The following DHX57 variants were observed in gnomAD, a reference collection of about 807,000 sequenced individuals.
The protein encoded by DHX57 is DExH-box helicase 57, also known as putative ATP-dependent RNA helicase DHX57.
A neutral mutation model predicts 156.2 loss-of-function variants in DHX57; 105 were observed. The ratio of observed to expected loss-of-function variants is 0.67; its 90% CI spans 0.57 to 0.79. DHX57 has a LOEUF of 0.79. Ranked by LOEUF, DHX57 falls within the 30% of genes least tolerant of loss-of-function variation. The pLI is 0.00. For synonymous variants in DHX57, 704 were observed against 595.6 expected (o/e 1.18, Z -2.65); for missense variants, 1,847 against 1,661.9 (o/e 1.11, Z -1.94).
At chr2:38,841,856 A>C (rs1156973448) in intron 12 of DHX57, among the ~76,000 whole-genome samples, 2 of 152,216 alleles carry the variant, frequency 1.3e-5, no homozygotes, top group African/African-American at 4.8e-5. Flanking sequence ...GCATGGGAGG[A>C]GGAAGTACCT....
At chr2:38,803,318 A>C (rs562166575) in intron 22 of DHX57, among the ~76,000 whole-genome samples, 3 of 151,638 alleles carry the variant, frequency 2.0e-5, no homozygotes, top group Non-Finnish European at 4.4e-5. Flanking sequence ...AGTGTTCCCT[A>C]TCTCAGGAAA....
At chr2:38,850,344 G>A (rs6715564) in intron 9 of DHX57, among the ~76,000 whole-genome samples, 1 of 152,062 alleles carries the variant, frequency 6.6e-6, no homozygotes, top group East Asian at 1.9e-4. Context: ...GTGCAGTGGC[G>A]TTATCATGGC....
At chr2:38,808,264 T>A (rs972544519) in intron 21 of DHX57, among the ~76,000 whole-genome samples, 5 of 152,096 alleles carry the variant, frequency 3.3e-5, no homozygotes, top group African/African-American at 1.2e-4. Context: ...GTAAATATCA[T>A]TTTAATCTTC....
chr2:38,804,489 CAATA>C (rs1026299136), intron 22 of DHX57, among the ~76,000 whole-genome samples: 2 of 151,780 alleles, frequency 1.3e-5, no homozygotes, highest in Admixed American at 1.3e-4. Context: ...GACTCTGTCT[CAATA>C]AATAAATAAA....
chr2:38,805,891 G>A (rs1378914030), intron 22 of DHX57, among the ~76,000 whole-genome samples: 1 of 152,160 alleles, frequency 6.6e-6, no homozygotes. Context: ...AAGTGCTGTT[G>A]TGCCTTTGGT....
At chr2:38,865,302 T>C (rs1170012506) in intron 2 of DHX57, among the ~76,000 whole-genome samples, 1 of 152,204 alleles carries the variant, frequency 6.6e-6, no homozygotes, top group African/African-American at 2.4e-5. Context: ...TCCCCCATGC[T>C]ATTCTCGTGA....
At position 38,818,882 on chromosome 2, in the gene DHX57, G is replaced by A. The variant is rs539439452; in HGVS notation, c.3466C>T (p.Leu1156=). 6.2e-7 allele frequency: 1 copy of A among 1,614,176 alleles called. No individual in the cohort carries two copies. The highest frequency in any genetic ancestry group is 1.7e-5 in the Admixed American group (1 of 60,020). The change falls in exon 19 of 24, where the codon CTG becomes TTG. Residue 1156 remains leucine (L), a synonymous_variant. Coordinates refer to ENST00000457308, the MANE Select transcript of DHX57 (RefSeq NM_198963.3). ...AAGCCACAGACACAACTCACCTGCA[G>A]AACTCTTCCAGACAAGAAGTTTTGT... ...CRQNFLSGRV[L]QEMASLKRQF...
intron 1 of DHX57, among the ~76,000 whole-genome samples, chr2:38,875,057 A>T (rs921105468): frequency 2.6e-5 from 4 of 152,236 alleles, no homozygotes; most frequent in Admixed American, 6.5e-5. Context: ...ACACCAACCC[A>T]GAAAATGTTA....
At chr2:38,827,506 ATATATAT>A (rs1337186240) in intron 14 of DHX57, among the ~76,000 whole-genome samples, 2 of 30,664 alleles carry the variant, frequency 6.5e-5, no homozygotes, top group African/African-American at 2.6e-4. Context: ...AAAAAAAAAA[ATATATAT>A]ATATATATAT....
intron 12 of DHX57, among the ~76,000 whole-genome samples, chr2:38,839,465 A>G (rs1671862664): frequency 6.6e-6 from 1 of 151,422 alleles, no homozygotes. Flanking sequence ...TAATCCCAGC[A>G]CTTTGGGAGG....
intron 2 of DHX57, among the ~76,000 whole-genome samples, chr2:38,867,756 C>A (rs1157366515): frequency 2.6e-5 from 4 of 152,104 alleles, no homozygotes; most frequent in Non-Finnish European, 1.5e-5. Context: ...CAGGATTTCA[C>A]CCTATTGGCC....
intron 1 of DHX57, among the ~76,000 whole-genome samples, chr2:38,869,054 A>C (rs1018144632): frequency 1.3e-5 from 2 of 152,316 alleles, no homozygotes; most frequent in Middle Eastern, 3.4e-3. Context: ...TGCGCACCTC[A>C]GCATCCCAAA....
Position 38,858,724 on chromosome 2 carries a change from G to C in DHX57, c.1524C>G (p.Asp508Glu). 1 of 1,614,062 alleles carries C rather than the reference G, an allele frequency of 6.2e-7. No homozygotes were observed. The highest frequency in any genetic ancestry group is 8.5e-7 in the Non-Finnish European group (1 of 1,179,992). ...NLKKKISKRY[D>E]WQAKSVHAEN... ...CAGCATGTACTGACTTTGCCTGCCA[G>C]TCATATCTTTTGGAAATCTTTTTCT... Residue 508 changes from aspartate (D) to glutamate (E), a missense_variant, in exon 6 of 24, where the codon GAC becomes GAG. Asp to Glu is a conservative substitution (Grantham distance 45). Coordinates refer to ENST00000457308, the MANE Select transcript of DHX57 (RefSeq NM_198963.3).
intron 9 of DHX57, chr2:38,853,486 C>A (rs1672721597): frequency 6.6e-6 from 1 of 152,224 alleles, no homozygotes; most frequent in South Asian, 2.1e-4. Flanking sequence ...ATCTATGGGT[C>A]TCTCCCTCCA....
At chr2:38,814,484 A>G (rs1310039756) in intron 20 of DHX57, among the ~76,000 whole-genome samples, 1 of 152,204 alleles carries the variant, frequency 6.6e-6, no homozygotes, top group Non-Finnish European at 1.5e-5. Context: ...GAAAAAAATT[A>G]TGGTTCATGA....
At chr2:38,862,403 G>C in intron 3 of DHX57, 70 bp from the exon 4 acceptor site, 1 of 1,377,780 alleles carries the variant, frequency 7.3e-7, no homozygotes, top group Middle Eastern at 2.2e-4. Context: ...TTTAGCAAAG[G>C]TCTAAGAATT....
chr2:38,868,697 G>T (rs1253389642), intron 1 of DHX57, among the ~76,000 whole-genome samples: 1 of 152,120 alleles, frequency 6.6e-6, no homozygotes, highest in Non-Finnish European at 1.5e-5. Flanking sequence ...CTCTGATACA[G>T]ATTTCTAAAC....
intron 9 of DHX57, among the ~76,000 whole-genome samples, chr2:38,850,205 C>T (rs189274283): frequency 6.6e-6 from 1 of 152,282 alleles, no homozygotes; most frequent in East Asian, 1.9e-4. Context: ...GAAAGATGTA[C>T]TACCAGTTTA....
chr2:38,798,613 G>T (rs1393262274), intron 23 of DHX57, among the ~76,000 whole-genome samples, 171 bp from the exon 24 acceptor site: 1 of 152,144 alleles, frequency 6.6e-6, no homozygotes, highest in African/African-American at 2.4e-5. Context: ...ACTAAATGAG[G>T]TCCATTGTAA....
Sources: gnomAD v4.1 joint callset for allele counts (sites outside exome capture counted in the v4.1 genomes callset) on GRCh38, gnomAD v4.1.1 for gene constraint, MANE v1.5 for transcripts, NCBI Gene and HGNC (gene_info 2026-07-23, HGNC 2026-07-21) for gene names.